MINAR1: variants seen among roughly 807,000 people sequenced by gnomAD.
MINAR1 encodes the protein membrane integral NOTCH2 associated receptor 1.
In MINAR1, 40 loss-of-function variants were observed where a neutral mutation model predicts 65.1. That is an observed-to-expected ratio of 0.61 (90% CI 0.48 to 0.80). The LOEUF (loss-of-function observed/expected upper bound fraction) is 0.80, where lower values mean the gene tolerates loss of function less well. Ranked by LOEUF, MINAR1 falls within the 30% of genes least tolerant of loss-of-function variation. MINAR1 has a pLI of 0.00. For missense variants in MINAR1, 1,128 were observed against 1,148.0 expected (o/e 0.98, Z 0.25); for synonymous variants, 482 against 449.1 (o/e 1.07, Z -0.93).
the MINAR1 span, chr15:79,411,582 G>A: frequency 1.4e-6 from 1 of 689,898 alleles, no homozygotes; most frequent in East Asian, 2.7e-5. Flanking sequence ...GGAAGCTGCT[G>A]CACAGAGCTA....
rs1437943985 is a variant in MINAR1 at position 79,458,193 on chromosome 15, C to T, written c.2046C>T (p.Cys682=). The T allele has an allele frequency of 6.2e-7, 1 of 1,614,168 alleles. No individual in the cohort carries two copies. The highest frequency in any genetic ancestry group is 2.2e-5 in the East Asian group (1 of 44,864). ...AACTAGAGAACAACCCTGACTGGTG[C>T]TGCTCTGATGCTAGCGGGAGCAACA... ...GPKLENNPDW[C]CSDASGSNSE... is the part of the protein sequence containing the mutation. The change falls in exon 2 of 4, where the codon TGC becomes TGT. Residue 682 remains cysteine, a synonymous_variant. Coordinates refer to ENST00000305428, the MANE Select transcript of MINAR1 (RefSeq NM_015206.3).
At position 79,469,892 on chromosome 15, in the gene MINAR1, G is replaced by A. The variant is rs1033713404; in HGVS notation, c.*1508G>A. The A allele has an allele frequency of 7.9e-5, 12 of 152,732 alleles. No individual in the cohort carries two copies. Among genetic ancestry groups the A allele is most frequent in the Admixed American group, 7.8e-4 (12 of 15,302 alleles). The allele number at this position is 152,732 out of a possible 1,614,324, so 9.5% of individuals were successfully genotyped here. On this transcript the variant is annotated 3_prime_UTR_variant, in exon 4 of 4. Transcript: ENST00000305428. ...TAATAAATTTCTAAAAGATTTGAGA[G>A]CATCTCAATTTTTAAAGCAATAGGA...
upstream of MINAR1, among the ~76,000 whole-genome samples, chr15:79,428,316 T>G: frequency 8.7e-6 from 1 of 114,932 alleles, no homozygotes; most frequent in East Asian, 3.1e-4. Context: ...TCTCCCTTCC[T>G]TCCTCCCTCC....
chr15:79,451,201 TC>T (rs994957685), intron 1 of MINAR1, among the ~76,000 whole-genome samples: 3 of 152,104 alleles, frequency 2.0e-5, no homozygotes, highest in African/African-American at 7.2e-5. Flanking sequence ...CTTTTAAAAC[TC>T]CTAAAGACCT....
At chr15:79,430,378 A>G (rs142970757), upstream of MINAR1, among the ~76,000 whole-genome samples, 1 of 152,222 alleles carries the variant, frequency 6.6e-6, no homozygotes, top group East Asian at 1.9e-4. Flanking sequence ...GCAAAAGAAA[A>G]GGCAGATCCC....
chr15:79,412,952 GCCTAGCTTTGGCTC>G, the MINAR1 span: 1 of 152,306 alleles, frequency 6.6e-6, no homozygotes, highest in East Asian at 1.9e-4. Flanking sequence ...GGAGTTGGAA[GCCTAGCTTTGGCTC>G]CCTGAAATTT....
rs901837989 is a variant in MINAR1 at position 79,468,406 on chromosome 15, A to G, written c.*22A>G. 4 of 1,600,104 alleles carry G rather than the reference A, an allele frequency of 2.5e-6. No individual in the cohort carries two copies. Among genetic ancestry groups the G allele is most frequent in the South Asian group, 2.2e-5 (2 of 89,788 alleles). ...ATGAGCTAAGAATGCAACCTTACGT[A>G]CAGCTTATGACTACCAATGTCGTCG... On this transcript the variant is annotated 3_prime_UTR_variant, in exon 4 of 4. Coordinates refer to ENST00000305428, the MANE Select transcript of MINAR1 (RefSeq NM_015206.3).
Position 79,469,801 on chromosome 15 carries a change from T to TAA in MINAR1, c.*1418_*1419insAA, listed in dbSNP as rs144343883. 2.6e-3 allele frequency: 395 copies of TAA among 152,756 alleles called. 2 individuals carry two copies. The highest frequency in any genetic ancestry group is 9.1e-3 in the African/African-American group (380 of 41,582). 9.5% of individuals were successfully genotyped at this position (152,756 alleles called of 1,614,324 possible). A position where few individuals can be genotyped will look rare whatever the true frequency, so the allele number is the denominator to read the frequency against. On this transcript the variant is annotated 3_prime_UTR_variant, in exon 4 of 4. Transcript: ENST00000305428. ...TGACAGAAACTAGCTACCTTATATATATTTTTTGATAATAAGGTGGGATAT... is the reference window on the plus strand; with the variant it reads ...TGACAGAAACTAGCTACCTTATATATAAATTTTTTGATAATAAGGTGGGATAT...
intron 3 of MINAR1, among the ~76,000 whole-genome samples, chr15:79,464,188 G>A (rs181246761): frequency 3.0e-4 from 45 of 152,284 alleles, no homozygotes; most frequent in Admixed American, 2.7e-3. Flanking sequence ...GGACTCTTTC[G>A]CTGTGTGACC....
chr15:79,458,085 G>C lies in MINAR1; in HGVS notation c.1938G>C (p.Leu646=). Residue 646 remains leucine, a synonymous_variant, in exon 2 of 4, where the codon CTG becomes CTC. Transcript: ENST00000305428. The part of the protein sequence containing the change: ...QPEKVSVQID[L]NSLTSEGPSD... ...AGAAGGTGAGTGTGCAGATAGATCT[G>C]AACTCCTTGACAAGCGAGGGTCCGT... is the stretch of plus-strand genomic sequence containing the variant. The C allele has an allele frequency of 6.2e-7, 1 of 1,614,174 alleles. No individual in the cohort carries two copies. The highest frequency in any genetic ancestry group is 8.5e-7 in the Non-Finnish European group (1 of 1,180,044).
Position 79,456,866 on chromosome 15 carries a change from C to G in MINAR1, c.719C>G (p.Thr240Ser), listed in dbSNP as rs777443868. Residue 240 changes from threonine (T) to serine (S), a missense_variant, in exon 2 of 4, where the codon ACC becomes AGC. Transcript: ENST00000305428. ...CCCATCAATCAGAGCATCAAGGAGA[C>G]CTTCATTTCCAATGAGGAGCCATTT... ...SLPINQSIKETFISNEEPFVV... is the reference protein window; with the variant it reads ...SLPINQSIKESFISNEEPFVV... The G allele has an allele frequency of 6.2e-7, 1 of 1,614,134 alleles. No homozygotes were observed. Among genetic ancestry groups the G allele is most frequent in the Admixed American group, 1.7e-5 (1 of 60,026 alleles).
At chr15:79,424,887 A>G in the MINAR1 span, 2 of 152,234 alleles carry the variant, frequency 1.3e-5, no homozygotes, top group African/African-American at 4.8e-5. Flanking sequence ...TGGAGAAGAA[A>G]TAGAAGGAAG....
chr15:79,437,742 G>A (rs1894658852), intron 1 of MINAR1, among the ~76,000 whole-genome samples: 1 of 96,344 alleles, frequency 1.0e-5, no homozygotes. Context: ...TGGGGTGTGG[G>A]TGTGTGTAGG....
rs769285787 is a variant in MINAR1 at position 79,468,382 on chromosome 15, T to C, written c.2749T>C (p.Ter917ArgextTer25). 2 of 1,613,704 alleles carry C rather than the reference T, an allele frequency of 1.2e-6. No homozygotes were observed. The highest frequency in any genetic ancestry group is 2.2e-5 in the South Asian group (2 of 90,920). Residue 917 changes from the stop codon to arginine (R), a stop_lost, in exon 4 of 4, where the codon TGA (stop) becomes CGA (arginine). Transcript: ENST00000305428. ...CGTGCCCATCTGCACAATGAAATCATGAGCTAAGAATGCAACCTTACGTAC... is the reference window on the plus strand; with the variant it reads ...CGTGCCCATCTGCACAATGAAATCACGAGCTAAGAATGCAACCTTACGTAC... The part of the protein sequence containing the change: ...IVVPICTMKS[*>R]
intron 1 of MINAR1, among the ~76,000 whole-genome samples, chr15:79,441,420 G>A (rs1437722425): frequency 6.6e-6 from 1 of 152,068 alleles, no homozygotes; most frequent in Non-Finnish European, 1.5e-5. Context: ...CTTATTAATG[G>A]CTACATGGTA....
rs1474997859 is a variant in MINAR1 at position 79,470,019 on chromosome 15, C to A, written c.*1635C>A. 1 of 152,528 alleles carries A rather than the reference C, an allele frequency of 6.6e-6. No homozygotes were observed. Among genetic ancestry groups the A allele is most frequent in the Non-Finnish European group, 1.5e-5 (1 of 68,028 alleles). The allele number at this position is 152,528 out of a possible 1,614,324, so 9.4% of individuals were successfully genotyped here. Reference sequence around the variant, plus strand: ...TAGACAGTTAATTTTATTATGTTAACAAGTGAGGGATGAATGTTTTCATCT... The same window carrying A: ...TAGACAGTTAATTTTATTATGTTAAAAAGTGAGGGATGAATGTTTTCATCT... On this transcript the variant is annotated 3_prime_UTR_variant, in exon 4 of 4. Coordinates refer to ENST00000305428, the MANE Select transcript of MINAR1 (RefSeq NM_015206.3).
Sources: allele counts gnomAD v4.1 joint callset (sites outside exome capture counted in the v4.1 genomes callset), GRCh38; gene constraint gnomAD v4.1.1; transcripts MANE v1.5; gene names NCBI Gene and HGNC (gene_info 2026-07-23, HGNC 2026-07-21).